Variants in DENND1B observed in about 807,000 individuals in gnomAD.
DENND1B encodes the protein DENN domain-containing protein 1B.
DENND1B carries 59 observed loss-of-function variants against 90.1 expected under a neutral mutation model. The ratio of observed to expected loss-of-function variants is 0.65; its 90% CI spans 0.53 to 0.81. The LOEUF is 0.81. Ranked by LOEUF, DENND1B falls within the 40% of genes least tolerant of loss-of-function variation. The pLI is 0.00. For missense variants in DENND1B, 862 were observed against 912.6 expected, an observed-to-expected ratio of 0.94 and a Z score of 0.71; for synonymous variants, 337 against 324.6, an observed-to-expected ratio of 1.04 and a Z score of -0.41.
chr1:197,748,109 T>A (rs573060545), intron 2 of DENND1B, among the ~76,000 whole-genome samples: 1 of 152,092 alleles, frequency 6.6e-6, no homozygotes, highest in Non-Finnish European at 1.5e-5. Flanking sequence ...ATTGAAAAGA[T>A]CTAATTGGTC....
chr1:197,642,641 T>A (rs1364870679), intron 10 of DENND1B, 70 bp downstream of exon 10: 12 of 1,082,368 alleles, frequency 1.1e-5, no homozygotes, highest in East Asian at 2.6e-5. Context: ...TTTCTAAATC[T>A]GCAAAGGTTT....
intron 2 of DENND1B, among the ~76,000 whole-genome samples, chr1:197,724,565 T>A (rs1428644297): frequency 6.6e-6 from 1 of 152,090 alleles, no homozygotes. Context: ...TCAACTCAGG[T>A]CTTGCCTAAC....
intron 2 of DENND1B, among the ~76,000 whole-genome samples, chr1:197,726,500 G>A (rs372510755): frequency 1.3e-5 from 2 of 152,172 alleles, no homozygotes; most frequent in African/African-American, 2.4e-5. Context: ...TAAGATGAGG[G>A]TGAATATCAC....
chr1:197,529,861 C>A (rs1264952916), intron 20 of DENND1B, among the ~76,000 whole-genome samples: 1 of 152,012 alleles, frequency 6.6e-6, no homozygotes, highest in Non-Finnish European at 1.5e-5. Context: ...TGTTCTGCAC[C>A]ATGACCAGTG....
intron 10 of DENND1B, among the ~76,000 whole-genome samples, chr1:197,627,355 T>G (rs1003966147): frequency 6.6e-6 from 1 of 152,022 alleles, no homozygotes; most frequent in Non-Finnish European, 1.5e-5. Context: ...TCATCCCTGA[T>G]ATGCCAGGCT....
chr1:197,545,774 T>G (rs1414870228), intron 18 of DENND1B, 148 bp downstream of exon 18: 7 of 616,256 alleles, frequency 1.1e-5, no homozygotes, highest in African/African-American at 3.9e-5. Context: ...TTTTAACAAT[T>G]GAATTTGCTT....
chr1:197,639,918 G>C (rs1680124630), intron 10 of DENND1B, among the ~76,000 whole-genome samples: 1 of 152,098 alleles, frequency 6.6e-6, no homozygotes, highest in African/African-American at 2.4e-5. Context: ...TCATGAAAGA[G>C]AACTTGAATT....
intron 13 of DENND1B, among the ~76,000 whole-genome samples, chr1:197,600,219 T>C (rs1676078297): frequency 6.6e-6 from 1 of 151,982 alleles, no homozygotes; most frequent in South Asian, 2.1e-4. Flanking sequence ...ATTATTTTCT[T>C]ATCAGTTTAC....
At chr1:197,776,850 T>C (rs1487463654), upstream of DENND1B, among the ~76,000 whole-genome samples, 7 of 151,976 alleles carry the variant, frequency 4.6e-5, no homozygotes, top group African/African-American at 1.7e-4. Flanking sequence ...TATCATAAAG[T>C]GTTGTCATAG....
chr1:197,583,073 A>C (rs1674383876), intron 15 of DENND1B, 79 bp downstream of exon 15: 1 of 1,330,740 alleles, frequency 7.5e-7, no homozygotes, highest in Admixed American at 1.8e-5. Context: ...CAGGGTTTGT[A>C]CATAGTTTTA....
intron 10 of DENND1B, among the ~76,000 whole-genome samples, chr1:197,629,248 T>C (rs1293795000): frequency 2.0e-5 from 3 of 151,920 alleles, no homozygotes; most frequent in Non-Finnish European, 4.4e-5. Context: ...TGCGGCACTA[T>C]TCACAATAGC....
chr1:197,745,240 C>T (rs1200598255), intron 2 of DENND1B, among the ~76,000 whole-genome samples: 1 of 152,238 alleles, frequency 6.6e-6, no homozygotes, highest in African/African-American at 2.4e-5. Context: ...CTGACACAAA[C>T]AGTTAGTCGG....
chr1:197,775,074 G>A lies in DENND1B; in HGVS notation c.17+65C>T, dbSNP rs1285158665. 6 of 1,123,200 alleles carry A rather than the reference G, an allele frequency of 5.3e-6. No individual in the cohort carries two copies. In the Middle Eastern group the frequency reaches 1.4e-3, roughly 260 times the overall value. 69.6% of individuals were successfully genotyped at this position (1,123,200 alleles called of 1,614,324 possible). A position where few individuals can be genotyped will look rare whatever the true frequency, so the allele number is the denominator to read the frequency against. ...TTGAGCGCGGAGGCGCGGAGGAGCC[G>A]AGCTGGCCTGGGAGGGGCCGCCGAG... On this transcript the variant is annotated intron_variant, in intron 1 of 22. Transcript: ENST00000620048.
intron 10 of DENND1B, among the ~76,000 whole-genome samples, chr1:197,618,989 C>A (rs1174270754): frequency 6.6e-6 from 1 of 151,038 alleles, no homozygotes; most frequent in Non-Finnish European, 1.5e-5. Context: ...TCGATTTGAA[C>A]CAAAACCAAA....
intron 20 of DENND1B, among the ~76,000 whole-genome samples, chr1:197,529,709 T>C (rs566736817): frequency 3.9e-5 from 6 of 152,268 alleles, no homozygotes; most frequent in South Asian, 2.1e-4. Flanking sequence ...GAAAAGAAAA[T>C]GTTAGTAAAT....
At chr1:197,563,556 T>C (rs10801615) in intron 15 of DENND1B, among the ~76,000 whole-genome samples, 145,592 of 151,996 alleles carry the variant, frequency 0.96, 70,030 homozygotes, top group South Asian at 1. Context: ...CATGACTGCT[T>C]ACTGACAATG....
chr1:197,558,476 G>A (rs1441635834), intron 15 of DENND1B, among the ~76,000 whole-genome samples: 2 of 151,636 alleles, frequency 1.3e-5, no homozygotes, highest in Non-Finnish European at 2.9e-5. Context: ...AGGATTTTAG[G>A]AGCTATGAGC....
In DENND1B at chr1:197,650,366, T is replaced by C. The variant is rs185072552; in HGVS notation, c.447+1869A>G. ...TGATCACCGCATCCCACGTCAATAG[T>C]AGATGTTGGCCTGGATGCGGTGATC... is the stretch of plus-strand genomic sequence containing the variant. On this transcript the variant is annotated intron_variant, in intron 7 of 22. Transcript: ENST00000620048. 2.6e-5 allele frequency among the ~76,000 whole-genome samples: 4 copies of C among 152,266 alleles called. 1 individual carries two copies. The highest frequency in any genetic ancestry group is 9.6e-5 in the African/African-American group (4 of 41,562).
chr1:197,768,817 A>G (rs1656047518), intron 2 of DENND1B, among the ~76,000 whole-genome samples: 1 of 152,132 alleles, frequency 6.6e-6, no homozygotes, highest in Admixed American at 6.6e-5. Flanking sequence ...ACTCCATATG[A>G]AACTAACAAG....
Sources: gnomAD v4.1 joint callset for allele counts (sites outside exome capture counted in the v4.1 genomes callset) on GRCh38, gnomAD v4.1.1 for gene constraint, MANE v1.5 for transcripts, NCBI Gene and HGNC (gene_info 2026-07-23, HGNC 2026-07-21) for gene names.